Variants in FAF1 observed in about 807,000 individuals in gnomAD.
The protein encoded by FAF1 is Fas associated factor 1.
Under a neutral mutation model 92.5 loss-of-function variants are expected in FAF1, and 25 were observed. The observed-to-expected ratio is 0.27, with a 90% CI of 0.20 to 0.38. FAF1 has a LOEUF of 0.38. Ranked by LOEUF, FAF1 falls within the 10% of genes least tolerant of loss-of-function variation. The probability of loss-of-function intolerance (pLI) is 1.00; values close to 1 mark genes in which losing one functional copy is unlikely to be tolerated. For missense variants in FAF1, 636 were observed against 793.3 expected (o/e 0.80, Z 2.38); for synonymous variants, 234 against 273.2 (o/e 0.86, Z 1.42).
intron 13 of FAF1, among the ~76,000 whole-genome samples, chr1:50,560,576 G>A (rs1649856608): frequency 6.6e-6 from 1 of 152,214 alleles, no homozygotes; most frequent in Non-Finnish European, 1.5e-5. Context: ...TAGAAATAGT[G>A]TGCAATGCCT....
intron 18 of FAF1, among the ~76,000 whole-genome samples, chr1:50,442,559 G>GTGTGTGAT (rs1431936340): frequency 2.0e-5 from 3 of 152,256 alleles, no homozygotes; most frequent in African/African-American, 7.2e-5. Flanking sequence ...GCAACTCCAA[G>GTGTGTGAT]TGTGTGATGG....
intron 7 of FAF1, among the ~76,000 whole-genome samples, chr1:50,692,624 C>T (rs1557478477): frequency 6.6e-6 from 1 of 152,146 alleles, no homozygotes; most frequent in Admixed American, 6.6e-5. Context: ...TTTTTAAAGG[C>T]TGAATAGTAT....
At chr1:50,740,842 C>A (rs1166739090) in intron 5 of FAF1, among the ~76,000 whole-genome samples, 1 of 152,166 alleles carries the variant, frequency 6.6e-6, no homozygotes, top group Non-Finnish European at 1.5e-5. Context: ...ACAACACACA[C>A]ACACACACAC....
intron 2 of FAF1, among the ~76,000 whole-genome samples, chr1:50,807,359 A>G (rs1160823998): frequency 6.6e-6 from 1 of 152,234 alleles, no homozygotes; most frequent in Admixed American, 6.5e-5. Flanking sequence ...CATGGCTGGG[A>G]AGTCCTCAGG....
chr1:50,613,838 C>G (rs1262253871), intron 8 of FAF1, among the ~76,000 whole-genome samples: 2 of 152,170 alleles, frequency 1.3e-5, no homozygotes, highest in East Asian at 3.9e-4. Flanking sequence ...GTGGCTCACA[C>G]CTGTAACCCC....
At chr1:50,818,975 A>G (rs1053898799) in intron 2 of FAF1, among the ~76,000 whole-genome samples, 1 of 152,192 alleles carries the variant, frequency 6.6e-6, no homozygotes, top group African/African-American at 2.4e-5. Context: ...GCATTAAACA[A>G]ATTTTTGGCT....
intron 6 of FAF1, among the ~76,000 whole-genome samples, chr1:50,727,585 A>G (rs1055611383): frequency 1.3e-5 from 2 of 152,222 alleles, no homozygotes; most frequent in African/African-American, 2.4e-5. Flanking sequence ...GGTGAGAGAA[A>G]CAGACAACAA....
In FAF1 at chr1:50,484,492, T is replaced by C. The variant is rs924274648; in HGVS notation, c.1653+6096A>G. Among the ~76,000 whole-genome samples, 16 of 152,274 alleles carry C rather than the reference T, an allele frequency of 1.1e-4. 1 individual carries two copies. The Middle Eastern group carries it at 0.024, about 227-fold the overall frequency. ...ATTATAATAAGGTATATTTATGTAT[T>C]GGCACCTACCTTATTGAATTGTAAA... On this transcript the variant is annotated intron_variant, in intron 17 of 18. Transcript: ENST00000396153.
chr1:50,565,865 G>C (rs1258563568), intron 13 of FAF1, among the ~76,000 whole-genome samples: 1 of 152,092 alleles, frequency 6.6e-6, no homozygotes, highest in East Asian at 1.9e-4. Flanking sequence ...CTTACTGCCA[G>C]TGAATGGCAA....
intron 1 of FAF1, among the ~76,000 whole-genome samples, chr1:50,892,921 G>A (rs1454261298): frequency 6.6e-6 from 1 of 151,928 alleles, no homozygotes; most frequent in Non-Finnish European, 1.5e-5. Context: ...GTATTTTTAA[G>A]CAGGTTGTCT....
At chr1:50,655,601 G>A in intron 7 of FAF1, 73 bp from the exon 8 acceptor site, 1 of 898,986 alleles carries the variant, frequency 1.1e-6, no homozygotes, top group South Asian at 1.5e-5. Flanking sequence ...CAATTTATGA[G>A]ACATACAGTG....
Position 50,960,002 on chromosome 1 carries a change from T to G in FAF1, c.-191A>C. 1 of 394,456 alleles carries G rather than the reference T, an allele frequency of 2.5e-6. No homozygotes were observed. Among genetic ancestry groups the G allele is most frequent in the Non-Finnish European group, 4.5e-6 (1 of 224,396 alleles). The allele number at this position is 394,456 out of a possible 1,614,324, so 24.4% of individuals were successfully genotyped here. On this transcript the variant is annotated 5_prime_UTR_variant, in exon 1 of 19. Coordinates refer to ENST00000396153, the MANE Select transcript of FAF1 (RefSeq NM_007051.3). ...AAGCGCTAGGCGCTCATGCACTCGG[T>G]AACCTTCAGGCGCCCCGGCCGCCCG...
At chr1:50,841,619 A>G (rs945294657) in intron 2 of FAF1, among the ~76,000 whole-genome samples, 13 of 152,126 alleles carry the variant, frequency 8.5e-5, no homozygotes, top group African/African-American at 2.6e-4. Context: ...AAAAAGGAAG[A>G]TAAAGGCCTA....
At chr1:50,768,759 A>C (rs934719788) in intron 4 of FAF1, among the ~76,000 whole-genome samples, 18 of 152,194 alleles carry the variant, frequency 1.2e-4, no homozygotes, top group African/African-American at 4.3e-4. Flanking sequence ...GCAATGTAAC[A>C]GAAACTCTGG....
intron 2 of FAF1, among the ~76,000 whole-genome samples, chr1:50,838,587 T>TTAAATTA (rs1315905452): frequency 6.7e-6 from 1 of 148,584 alleles, no homozygotes; most frequent in African/African-American, 2.4e-5. Context: ...ATTATAAAAA[T>TTAAATTA]TAAATTATAA....
At chr1:50,566,313 T>A (rs1380579127) in intron 13 of FAF1, among the ~76,000 whole-genome samples, 6 of 152,090 alleles carry the variant, frequency 3.9e-5, no homozygotes, top group African/African-American at 1.4e-4. Flanking sequence ...AAAATATGCT[T>A]GCCTTGAAAT....
At chr1:50,521,066 G>A (rs147418452) in intron 15 of FAF1, among the ~76,000 whole-genome samples, 10 of 152,232 alleles carry the variant, frequency 6.6e-5, no homozygotes, top group Non-Finnish European at 1.2e-4. Flanking sequence ...GACAAAAATT[G>A]TATATATCAT....
At chr1:50,957,992 C>T (rs986362991) in intron 1 of FAF1, among the ~76,000 whole-genome samples, 3 of 152,000 alleles carry the variant, frequency 2.0e-5, no homozygotes, top group African/African-American at 4.8e-5. Context: ...AACAAAAAGA[C>T]GATGATGAAA....
At chr1:50,612,516 G>A (rs759069864) in intron 8 of FAF1, 185 of 983,736 alleles carry the variant, frequency 1.9e-4, no homozygotes, top group Non-Finnish European at 2.1e-4. Flanking sequence ...GGGTACCAAC[G>A]AGCCACTTGG....
Sources: gnomAD v4.1 joint callset for allele counts (sites outside exome capture counted in the v4.1 genomes callset) on GRCh38, gnomAD v4.1.1 for gene constraint, MANE v1.5 for transcripts, NCBI Gene and HGNC (gene_info 2026-07-23, HGNC 2026-07-21) for gene names.